MACROD2: variants seen among roughly 807,000 people sequenced by gnomAD.
MACROD2 encodes the protein ADP-ribose glycohydrolase MACROD2.
MACROD2 carries 36 observed loss-of-function variants against 70.4 expected under a neutral mutation model. The observed-to-expected ratio is 0.51, with a 90% CI of 0.39 to 0.68. The LOEUF is 0.68. Among genes scored for constraint, MACROD2 ranks in the 30% least tolerant of loss-of-function variants. The probability of loss-of-function intolerance (pLI) is 0.00; values close to 1 mark genes in which losing one functional copy is unlikely to be tolerated. For synonymous variants in MACROD2, 172 were observed against 178.8 expected (o/e 0.96, Z 0.30); for missense variants, 496 against 538.4 (o/e 0.92, Z 0.78).
At chr20:14,295,567 G>T (rs544279767) in intron 3 of MACROD2, among the ~76,000 whole-genome samples, 2 of 151,728 alleles carry the variant, frequency 1.3e-5, no homozygotes, top group African/African-American at 2.4e-5. Flanking sequence ...GGACTGTGTG[G>T]GGGGGCTGGG....
chr20:14,787,095 T>A (rs1414829484), intron 5 of MACROD2, among the ~76,000 whole-genome samples: 2 of 152,158 alleles, frequency 1.3e-5, no homozygotes, highest in Non-Finnish European at 2.9e-5. Context: ...CAAGAATTTA[T>A]TTATTTCTCA....
At chr20:14,064,024 T>C (rs1357981298) in intron 2 of MACROD2, among the ~76,000 whole-genome samples, 1 of 152,132 alleles carries the variant, frequency 6.6e-6, no homozygotes, top group Non-Finnish European at 1.5e-5. Flanking sequence ...ACTGAGCCTG[T>C]CCTGTCCGAA....
Position 13,995,863 on chromosome 20 carries a change from C to CGGGGGGGGTAGGGGGGGGGG in MACROD2, c.46+59_46+60insGGGTAGGGGGGGGGGGGGGG. 1 of 412,922 alleles carries CGGGGGGGGTAGGGGGGGGGG rather than the reference C, an allele frequency of 2.4e-6. No individual in the cohort carries two copies. Among genetic ancestry groups the CGGGGGGGGTAGGGGGGGGGG allele is most frequent in the Admixed American group, 3.3e-5 (1 of 30,230 alleles). The allele number at this position is 412,922 out of a possible 1,614,324, so 25.6% of individuals were successfully genotyped here. A position where few individuals can be genotyped will look rare whatever the true frequency, so the allele number is the denominator to read the frequency against. On this transcript the variant is annotated intron_variant, in intron 1 of 17. Transcript: ENST00000684519. The surrounding 1 kb of genome is among the most constrained non-coding windows in gnomAD (Gnocchi z 4.3). Reference sequence around the variant, plus strand: ...CGGGCGGTGGGGGTTAGGGTGGGGGCGGGGGTCAGGCTGTGTGTGCCGCGG... The same window carrying CGGGGGGGGTAGGGGGGGGGG: ...CGGGCGGTGGGGGTTAGGGTGGGGGCGGGGGGGGTAGGGGGGGGGGGGGGGTCAGGCTGTGTGTGCCGCGG...
chr20:15,181,672 T>C (rs573551646), intron 5 of MACROD2, among the ~76,000 whole-genome samples: 25 of 152,332 alleles, frequency 1.6e-4, no homozygotes, highest in African/African-American at 5.1e-4. Context: ...TTACTATAGA[T>C]GGTGTTCCTT....
At chr20:15,272,583 A>G (rs1023460837) in intron 6 of MACROD2, among the ~76,000 whole-genome samples, 1 of 152,214 alleles carries the variant, frequency 6.6e-6, no homozygotes, top group Non-Finnish European at 1.5e-5. Flanking sequence ...TCTGACACCA[A>G]GATTATTGTT....
intron 5 of MACROD2, among the ~76,000 whole-genome samples, chr20:14,782,333 T>C (rs1316353706): frequency 6.6e-6 from 1 of 152,138 alleles, no homozygotes; most frequent in Non-Finnish European, 1.5e-5. Flanking sequence ...TAGAGAGTTA[T>C]GCTCCCTAGG....
chr20:14,689,827 T>C (rs566457985), intron 5 of MACROD2, among the ~76,000 whole-genome samples: 16 of 152,328 alleles, frequency 1.1e-4, no homozygotes, highest in Non-Finnish European at 2.2e-4. Flanking sequence ...CTTCCCACTT[T>C]TATAACAGAG....
At chr20:14,549,489 G>A (rs534849731) in intron 4 of MACROD2, among the ~76,000 whole-genome samples, 1 of 151,834 alleles carries the variant, frequency 6.6e-6, no homozygotes, top group South Asian at 2.1e-4. Context: ...ATTGTTTATT[G>A]CCTTGCTGTA....
intron 8 of MACROD2, among the ~76,000 whole-genome samples, chr20:15,794,772 C>T (rs746539784): frequency 6.6e-6 from 1 of 152,164 alleles, no homozygotes; most frequent in African/African-American, 2.4e-5. Flanking sequence ...AGGCGGTTTG[C>T]ATCAAGTGAA....
intron 5 of MACROD2, among the ~76,000 whole-genome samples, chr20:14,854,331 A>T (rs1364483697): frequency 1.3e-5 from 2 of 152,156 alleles, no homozygotes; most frequent in African/African-American, 2.4e-5. Context: ...TTTGCTTTAT[A>T]AAAAATGGGA....
At chr20:14,723,243 T>C (rs566573506) in intron 5 of MACROD2, among the ~76,000 whole-genome samples, 1 of 152,302 alleles carries the variant, frequency 6.6e-6, no homozygotes, top group East Asian at 1.9e-4. Context: ...TTAGCTGGGC[T>C]GCAGTTTTCT....
rs1202003329 is a variant in MACROD2, at chr20:14,379,454, AATAT to A, written c.272-114021_272-114018del. Among the ~76,000 whole-genome samples the A allele has an allele frequency of 6.6e-5, 10 of 152,320 alleles. No individual in the cohort carries two copies. The East Asian group carries it at 1.9e-3, about 29-fold the overall frequency. On this transcript the variant is annotated intron_variant, in intron 3 of 17. Transcript: ENST00000684519. ...CATAATTAAGCTTTTAATTGTAAGAAATATATAAATAAAATGAGCTATTTTAACC... is the reference window on the plus strand; with the variant it reads ...CATAATTAAGCTTTTAATTGTAAGAAATAAATAAAATGAGCTATTTTAACC...
intron 3 of MACROD2, chr20:14,337,739 T>G (rs2082964753): frequency 2.6e-6 from 1 of 389,838 alleles, no homozygotes; most frequent in African/African-American, 2.1e-5. Context: ...ATCAGACAGA[T>G]GAGCTTTGCA....
intron 4 of MACROD2, among the ~76,000 whole-genome samples, chr20:14,572,851 A>T (rs1264460448): frequency 6.6e-6 from 1 of 150,950 alleles, no homozygotes; most frequent in African/African-American, 2.4e-5. Flanking sequence ...CCAATAAAAT[A>T]TTTAAAGATA....
chr20:15,683,372 A>G (rs2146862489), intron 8 of MACROD2, among the ~76,000 whole-genome samples: 1 of 152,330 alleles, frequency 6.6e-6, no homozygotes, highest in East Asian at 1.9e-4. Context: ...ATCATCCTAG[A>G]AATTATTTCA....
At chr20:14,718,968 T>C (rs547623901) in intron 5 of MACROD2, among the ~76,000 whole-genome samples, 1 of 152,246 alleles carries the variant, frequency 6.6e-6, no homozygotes, top group South Asian at 2.1e-4. Flanking sequence ...GTGTGGTGGC[T>C]CACGTCTGTA....
chr20:14,670,342 G>C (rs1269507992), intron 4 of MACROD2, among the ~76,000 whole-genome samples: 1 of 151,994 alleles, frequency 6.6e-6, no homozygotes, highest in Admixed American at 6.6e-5. Context: ...TCCCTTCCTG[G>C]TGAAAACTGA....
At chr20:15,987,632 TG>T (rs1197447030) in intron 15 of MACROD2, among the ~76,000 whole-genome samples, 5 of 152,166 alleles carry the variant, frequency 3.3e-5, no homozygotes, top group African/African-American at 1.2e-4. Context: ...AATATTAGGA[TG>T]CAATCATATT....
At chr20:14,707,446 T>C (rs2071282884) in intron 5 of MACROD2, among the ~76,000 whole-genome samples, 1 of 152,194 alleles carries the variant, frequency 6.6e-6, no homozygotes. Flanking sequence ...TGTGTTTCCA[T>C]AAGCAGAGAA....
Sources: allele counts gnomAD v4.1 joint callset (sites outside exome capture counted in the v4.1 genomes callset), GRCh38; gene constraint gnomAD v4.1.1; non-coding constraint Gnocchi (gnomAD v3.1); transcripts MANE v1.5; gene names NCBI Gene and HGNC (gene_info 2026-07-23, HGNC 2026-07-21).